The following RNASEH2B variants were observed in gnomAD, a reference collection of about 807,000 sequenced individuals.
RNASEH2B encodes ribonuclease H2 subunit B, also known as Aicardi-Goutieres syndrome 2 protein.
RNASEH2B carries 36 observed loss-of-function variants against 45.0 expected under a neutral mutation model. The ratio of observed to expected loss-of-function variants is 0.80; its 90% CI spans 0.61 to 1.06. The LOEUF (loss-of-function observed/expected upper bound fraction) is 1.06. RNASEH2B is among the 50% of genes least tolerant of loss of function. The probability of loss-of-function intolerance (pLI) is 0.00; values close to 1 mark genes in which losing one functional copy is unlikely to be tolerated. For missense variants in RNASEH2B, 361 were observed against 360.3 expected (o/e 1.00, Z -0.02); for synonymous variants, 119 against 125.7 (o/e 0.95, Z 0.35).
At chr13:50,954,086 G>C (rs1724682122) in intron 10 of RNASEH2B, 101 bp downstream of exon 10, 2 of 762,462 alleles carry the variant, frequency 2.6e-6, no homozygotes, top group South Asian at 2.9e-5. Flanking sequence ...TTACAGTTTT[G>C]ACCAGGAAGA....
At chr13:50,918,362 C>T (rs909095342) in intron 1 of RNASEH2B, among the ~76,000 whole-genome samples, 4 of 152,300 alleles carry the variant, frequency 2.6e-5, no homozygotes, top group South Asian at 4.1e-4. Context: ...TGGTCTCGAT[C>T]TCCTGACGTC....
rs553117078 is a variant in RNASEH2B, at chr13:50,962,312, C to T, written c.742-7620C>T. Among the ~76,000 whole-genome samples, 7 of 152,302 alleles carry T rather than the reference C, an allele frequency of 4.6e-5. No homozygotes were observed. In the East Asian group the frequency reaches 1.2e-3, roughly 25 times the overall value. ...GCTTCCTTATATGTCGGACACAATT[C>T]ACCAGTGAAGCCATTTGGACCTGGA... is the stretch of plus-strand genomic sequence containing the variant. On this transcript the variant is annotated intron_variant, in intron 9 of 9. Transcript: ENST00000422660.
chr13:50,932,321 A>ACTT (rs1281386576), intron 4 of RNASEH2B, among the ~76,000 whole-genome samples: 5 of 152,224 alleles, frequency 3.3e-5, no homozygotes, highest in Non-Finnish European at 7.3e-5. Flanking sequence ...TAAGCAGCCA[A>ACTT]AGGCCTTTAG....
chr13:50,962,108 AT>A (rs1407362434), intron 9 of RNASEH2B, among the ~76,000 whole-genome samples: 3 of 151,988 alleles, frequency 2.0e-5, no homozygotes, highest in African/African-American at 7.2e-5. Flanking sequence ...TTTTCCTAAT[AT>A]TTTGTTAAGT....
At chr13:50,927,297 A>T (rs1951610753) in intron 1 of RNASEH2B, 110 bp from the exon 2 acceptor site, 2 of 718,672 alleles carry the variant, frequency 2.8e-6, no homozygotes, top group Non-Finnish European at 5.0e-6. Flanking sequence ...AAATTGAGTT[A>T]AAAATCTTAC....
At chr13:50,942,336 A>G (rs1019357400) in intron 5 of RNASEH2B, 3 of 152,194 alleles carry the variant, frequency 2.0e-5, no homozygotes, top group Admixed American at 2.0e-4. Context: ...AAAGGGCCAG[A>G]TTGAGCCTAC....
chr13:50,916,019 G>GT (rs891007578), intron 1 of RNASEH2B, among the ~76,000 whole-genome samples: 1,585 of 144,044 alleles, frequency 0.011, 26 homozygotes, highest in African/African-American at 0.034. Flanking sequence ...TCTCACAGTG[G>GT]TTTTTTTTTT....
intron 9 of RNASEH2B, among the ~76,000 whole-genome samples, chr13:50,964,399 T>C (rs1247140250): frequency 6.6e-6 from 1 of 152,236 alleles, no homozygotes; most frequent in Non-Finnish European, 1.5e-5. Flanking sequence ...ATTTATGTGC[T>C]TGGCATTGAT....
chr13:50,915,887 A>T (rs1326013458), intron 1 of RNASEH2B, among the ~76,000 whole-genome samples: 1 of 152,242 alleles, frequency 6.6e-6, no homozygotes, highest in Non-Finnish European at 1.5e-5. Context: ...CTAGGTCTCA[A>T]CATTTGGTAA....
chr13:50,910,189 C>T, intron 1 of RNASEH2B, 49 bp downstream of exon 1: 2 of 1,304,556 alleles, frequency 1.5e-6, no homozygotes, highest in Non-Finnish European at 2.0e-6. Context: ...ACTGGCGGAG[C>T]GGCCCGCGAC....
chr13:50,947,191 T>A (rs1951910499), intron 7 of RNASEH2B, among the ~76,000 whole-genome samples: 1 of 152,148 alleles, frequency 6.6e-6, no homozygotes. Flanking sequence ...TAAGTTTGAT[T>A]ATCTGCTTGT....
chr13:50,956,900 A>ATT (rs377401674), downstream of RNASEH2B: 36,901 of 188,820 alleles, frequency 0.2, 4,299 homozygotes, highest in Non-Finnish European at 0.24. Flanking sequence ...TTTTTGGTAA[A>ATT]TTTTTTTTTT....
intron 1 of RNASEH2B, among the ~76,000 whole-genome samples, chr13:50,913,868 G>A (rs1879575914): frequency 6.6e-6 from 1 of 152,082 alleles, no homozygotes; most frequent in Non-Finnish European, 1.5e-5. Context: ...TTATACCAGA[G>A]CTATCTTTCC....
rs1593480015 is a variant in RNASEH2B at position 50,953,986 on chromosome 13, G to T, written c.822+1G>T. ...TACTAAAGATTTGAAGACTGAAAAG[G>T]TATGTGGGTTCAGGTGTAGTGGTGT... On this transcript the variant is annotated splice_donor_variant, in intron 10 of 10. Transcript: ENST00000336617. LOFTEE classifies it high-confidence loss of function. The T allele has an allele frequency of 6.3e-7, 1 of 1,582,118 alleles. No individual in the cohort carries two copies. Among genetic ancestry groups the T allele is most frequent in the Admixed American group, 1.7e-5 (1 of 59,896 alleles).
At chr13:50,939,387 G>A (rs1036485786) in intron 5 of RNASEH2B, among the ~76,000 whole-genome samples, 4 of 150,004 alleles carry the variant, frequency 2.7e-5, no homozygotes, top group African/African-American at 9.8e-5. Context: ...AGCTGTGGTG[G>A]TATGTGCCTA....
intron 1 of RNASEH2B, among the ~76,000 whole-genome samples, chr13:50,920,843 C>T (rs990625412): frequency 3.9e-5 from 6 of 152,114 alleles, no homozygotes; most frequent in African/African-American, 1.2e-4. Context: ...GAGTATATCT[C>T]ATGTGCCAGA....
chr13:50,950,607 A>C (rs1951964547), intron 9 of RNASEH2B: 1 of 152,200 alleles, frequency 6.6e-6, no homozygotes, highest in Non-Finnish European at 1.5e-5. Context: ...AGAGAGGCAC[A>C]GTTGTCTTGC....
At chr13:50,909,748 TC>T (rs1817736251), upstream of RNASEH2B, 1 of 238,998 alleles carries the variant, frequency 4.2e-6, no homozygotes, top group Non-Finnish European at 8.1e-6. Context: ...CCCGCCCCGC[TC>T]CGCGTCACTC....
chr13:50,934,129 AG>A (rs1951715645), intron 4 of RNASEH2B: 1 of 152,344 alleles, frequency 6.6e-6, no homozygotes, highest in African/African-American at 2.4e-5. Flanking sequence ...TCCCCAAATC[AG>A]GGGGCTAATA....
Sources: allele counts gnomAD v4.1 joint callset (sites outside exome capture counted in the v4.1 genomes callset), GRCh38; gene constraint gnomAD v4.1.1; transcripts MANE v1.5; gene names NCBI Gene and HGNC (gene_info 2026-07-23, HGNC 2026-07-21).